The following EEPD1 variants were observed in gnomAD, a reference collection of about 807,000 sequenced individuals.
EEPD1 encodes endonuclease/exonuclease/phosphatase family domain containing 1, also known as endonuclease/exonuclease/phosphatase family domain-containing protein 1.
Under a neutral mutation model 46.3 loss-of-function variants are expected in EEPD1, and 17 were observed. That is an observed-to-expected ratio of 0.37 (90% confidence interval 0.25 to 0.55). EEPD1 has a LOEUF of 0.55. Among genes scored for constraint, EEPD1 ranks in the 20% least tolerant of loss-of-function variants. The pLI, the probability that EEPD1 is intolerant of heterozygous loss-of-function variation, is 0.83. For missense variants in EEPD1, 673 were observed against 745.6 expected, an observed-to-expected ratio of 0.90 and a Z score of 1.13; for synonymous variants, 313 against 315.6, an observed-to-expected ratio of 0.99 and a Z score of 0.09.
intron 6 of EEPD1, among the ~76,000 whole-genome samples, chr7:36,296,264 A>T (rs1787522974): frequency 6.6e-6 from 1 of 152,080 alleles, no homozygotes; most frequent in Non-Finnish European, 1.5e-5. Context: ...TACAGTTCCC[A>T]ATCGAGGAGT....
intron 6 of EEPD1, among the ~76,000 whole-genome samples, chr7:36,289,429 T>G (rs75028879): frequency 6.6e-6 from 1 of 152,218 alleles, no homozygotes. Context: ...AATGATAATA[T>G]TTGTCCTTTT....
intron 3 of EEPD1, among the ~76,000 whole-genome samples, chr7:36,249,010 C>CACAT (rs1562701688): frequency 1.3e-5 from 2 of 151,404 alleles, no homozygotes; most frequent in Non-Finnish European, 1.5e-5. Flanking sequence ...CACACACACA[C>CACAT]ACACACACAC....
At chr7:36,257,727 C>T (rs949170119) in intron 3 of EEPD1, among the ~76,000 whole-genome samples, 20 of 152,146 alleles carry the variant, frequency 1.3e-4, no homozygotes, top group Non-Finnish European at 2.8e-4. Flanking sequence ...ATTCCTCTAA[C>T]CTTTTTTCAA....
chr7:36,197,658 G>A (rs191521499), intron 2 of EEPD1, among the ~76,000 whole-genome samples: 253 of 152,268 alleles, frequency 1.7e-3, no homozygotes, highest in Non-Finnish European at 2.8e-3. Flanking sequence ...TCCACTCAGG[G>A]TTAAATGGAT....
At chr7:36,241,052 C>T (rs1371657775) in intron 3 of EEPD1, among the ~76,000 whole-genome samples, 1 of 152,178 alleles carries the variant, frequency 6.6e-6, no homozygotes, top group Non-Finnish European at 1.5e-5. Flanking sequence ...AAAATACAAA[C>T]AATTGATCCT....
chr7:36,215,857 A>G (rs1251524044), intron 2 of EEPD1, among the ~76,000 whole-genome samples: 1 of 152,230 alleles, frequency 6.6e-6, no homozygotes, highest in Non-Finnish European at 1.5e-5. Flanking sequence ...GCATGTGTCC[A>G]ATACAACTAA....
chr7:36,249,382 C>T (rs891157635), intron 3 of EEPD1, among the ~76,000 whole-genome samples: 17 of 152,136 alleles, frequency 1.1e-4, no homozygotes, highest in Non-Finnish European at 2.4e-4. Context: ...TTTGTGATGT[C>T]CCCATCCTTT....
intron 3 of EEPD1, among the ~76,000 whole-genome samples, chr7:36,258,903 A>T (rs1347973657): frequency 6.6e-6 from 1 of 151,330 alleles, no homozygotes; most frequent in Non-Finnish European, 1.5e-5. Flanking sequence ...AAAAAAAAAA[A>T]ACTGCAGCTA....
intron 2 of EEPD1, 23 bp from the exon 3 acceptor site, chr7:36,238,962 G>A: frequency 2.5e-6 from 4 of 1,601,638 alleles, no homozygotes; most frequent in Non-Finnish European, 3.4e-6. Flanking sequence ...TTTCAAGTGT[G>A]GTTTTGATTT....
intron 2 of EEPD1, among the ~76,000 whole-genome samples, chr7:36,221,089 G>A (rs142057386): frequency 1.2e-4 from 18 of 152,320 alleles, no homozygotes; most frequent in African/African-American, 3.6e-4. Context: ...GATTACAGGC[G>A]TGAGCCACTG....
chr7:36,229,179 G>T (rs1786277708), intron 2 of EEPD1: 1 of 152,486 alleles, frequency 6.6e-6, no homozygotes, highest in African/African-American at 2.4e-5. Flanking sequence ...GCTGGGGTTT[G>T]GTGTGGGCTC....
intron 3 of EEPD1, 87 bp from the exon 4 acceptor site, chr7:36,281,028 A>G: frequency 9.5e-7 from 1 of 1,053,508 alleles, no homozygotes; most frequent in Non-Finnish European, 1.4e-6. Context: ...ACTCAGAATC[A>G]TGCAGTGCCT....
intron 3 of EEPD1, among the ~76,000 whole-genome samples, chr7:36,249,034 C>CACACACACACACACACACAT (rs3221650): frequency 6.6e-6 from 1 of 151,546 alleles, no homozygotes; most frequent in Non-Finnish European, 1.5e-5. Flanking sequence ...CACACACACA[C>CACACACACACACACACACAT]ATTTTCTCCT....
intron 2 of EEPD1, among the ~76,000 whole-genome samples, chr7:36,189,329 G>A (rs1490099797): frequency 2.0e-5 from 3 of 152,034 alleles, no homozygotes; most frequent in Admixed American, 6.6e-5. Context: ...TGAAAAATGG[G>A]GATTTTAAAA....
chr7:36,264,301 G>C (rs1786977504), intron 3 of EEPD1, among the ~76,000 whole-genome samples: 1 of 152,182 alleles, frequency 6.6e-6, no homozygotes, highest in African/African-American at 2.4e-5. Context: ...GTGGGGTCAG[G>C]ACGATAGACA....
At chr7:36,190,318 G>A in intron 2 of EEPD1, among the ~76,000 whole-genome samples, 1 of 48,518 alleles carries the variant, frequency 2.1e-5, no homozygotes, top group East Asian at 5.2e-4. Flanking sequence ...GCTACAGTGA[G>A]CTATGATTGC....
Position 36,254,981 on chromosome 7 carries a change from GTTGT to G in EEPD1, c.930+15952_930+15955del, listed in dbSNP as rs1329149669. On this transcript the variant is annotated intron_variant, in intron 3 of 7. Coordinates refer to ENST00000242108, the MANE Select transcript of EEPD1 (RefSeq NM_030636.3). ...TATCCTGTGCCCACTTTTTGATGGG[GTTGT>G]TTGTTTATTTCTTTTAAATTTGCTT... 1.3e-4 allele frequency among the ~76,000 whole-genome samples: 20 copies of G among 152,252 alleles called. No homozygotes were observed. The East Asian group carries it at 1.4e-3, about 10-fold the overall frequency.
At chr7:36,227,201 T>A (rs1786245463) in intron 2 of EEPD1, among the ~76,000 whole-genome samples, 1 of 152,196 alleles carries the variant, frequency 6.6e-6, no homozygotes, top group Admixed American at 6.5e-5. Flanking sequence ...GAATATACTG[T>A]AATTGATTCA....
intron 2 of EEPD1, among the ~76,000 whole-genome samples, chr7:36,191,523 T>G (rs182213167): frequency 2.2e-4 from 34 of 152,274 alleles, no homozygotes; most frequent in African/African-American, 7.9e-4. Context: ...GCAGCTATCA[T>G]CCTGGCTGCC....
Sources: gnomAD v4.1 joint callset for allele counts (sites outside exome capture counted in the v4.1 genomes callset) on GRCh38, gnomAD v4.1.1 for gene constraint, MANE v1.5 for transcripts, NCBI Gene and HGNC (gene_info 2026-07-23, HGNC 2026-07-21) for gene names.